KLF8: variants seen among roughly 807,000 people sequenced by gnomAD.
KLF8 encodes KLF transcription factor 8.
KLF8 carries 10 observed loss-of-function variants against 18.2 expected under a neutral mutation model. The ratio of observed to expected loss-of-function variants is 0.55; its 90% confidence interval spans 0.34 to 0.93. The LOEUF is 0.93. Ranked by LOEUF, KLF8 falls within the 40% of genes least tolerant of loss-of-function variation. KLF8 has a pLI of 0.02. For missense variants in KLF8, 264 were observed against 277.9 expected (o/e 0.95, Z 0.36); for synonymous variants, 109 against 97.3 (o/e 1.12, Z -0.71).
chrX:56,062,670 T>C, the KLF8 span, among the ~76,000 whole-genome samples: 1 of 110,196 alleles, frequency 9.1e-6, no homozygotes, highest in Admixed American at 9.6e-5. Flanking sequence ...GGCGTAACTT[T>C]GTGGTGTTCT....
the KLF8 span, among the ~76,000 whole-genome samples, chrX:56,079,289 A>G: frequency 2.1e-4 from 23 of 110,055 alleles, no homozygotes; most frequent in Admixed American, 3.9e-4. Context: ...AGTGCTATAA[A>G]TTTCCCTCTA....
At chrX:56,083,754 T>C in the KLF8 span, among the ~76,000 whole-genome samples, 1 of 111,137 alleles carries the variant, frequency 9.0e-6, no homozygotes, top group African/African-American at 3.3e-5. Flanking sequence ...AAATCAGTGG[T>C]GATGTTTGAT....
At chrX:56,089,365 G>A in the KLF8 span, among the ~76,000 whole-genome samples, 1,267 of 111,908 alleles carry the variant, frequency 0.011, 11 homozygotes, top group African/African-American at 0.04. Context: ...GTGGTACATG[G>A]CAGTTTATAG....
the KLF8 span, among the ~76,000 whole-genome samples, chrX:55,960,626 GA>G: frequency 9.1e-6 from 1 of 109,466 alleles, no homozygotes; most frequent in Admixed American, 9.8e-5. Flanking sequence ...AGGAGAAGGA[GA>G]AAAGAAGAAG....
the KLF8 span, among the ~76,000 whole-genome samples, chrX:56,029,789 C>T: frequency 8.9e-6 from 1 of 111,888 alleles, no homozygotes; most frequent in Non-Finnish European, 1.9e-5. Context: ...CTGGGCATTC[C>T]TCCCAGAACA....
At chrX:55,987,953 G>A in the KLF8 span, among the ~76,000 whole-genome samples, 1 of 112,466 alleles carries the variant, frequency 8.9e-6, no homozygotes. Context: ...GATGGCCAGT[G>A]ATGATGAGCA....
chrX:56,204,554 G>A, the KLF8 span, among the ~76,000 whole-genome samples: 48 of 111,033 alleles, frequency 4.3e-4, no homozygotes, highest in African/African-American at 1.5e-3. Flanking sequence ...ACTAGCCATG[G>A]GTCTGTCATA....
chrX:56,083,005 G>A, the KLF8 span, among the ~76,000 whole-genome samples: 58 of 111,913 alleles, frequency 5.2e-4, no homozygotes, highest in African/African-American at 1.8e-3. Context: ...GTGCCTCTGT[G>A]TGGTTCTCCA....
At chrX:56,221,345 C>G in the KLF8 span, among the ~76,000 whole-genome samples, 18 of 111,431 alleles carry the variant, frequency 1.6e-4, no homozygotes, top group African/African-American at 5.2e-4. Flanking sequence ...TATGAACATG[C>G]AAAAAGGATT....
the KLF8 span, among the ~76,000 whole-genome samples, chrX:56,131,508 A>C: frequency 9.0e-6 from 1 of 111,570 alleles, no homozygotes; most frequent in Non-Finnish European, 1.9e-5. Flanking sequence ...TTTGAAACAA[A>C]TCCTGGAAAT....
intron 1 of KLF8, among the ~76,000 whole-genome samples, chrX:56,236,641 C>G (rs980764211): frequency 1.6e-4 from 18 of 111,366 alleles, no homozygotes; most frequent in African/African-American, 5.6e-4. Flanking sequence ...AATTTAAAAA[C>G]TTTCAACTAA....
the KLF8 span, among the ~76,000 whole-genome samples, chrX:55,946,453 G>A: frequency 2.6e-4 from 29 of 111,496 alleles, no homozygotes; most frequent in South Asian, 7.5e-3. Flanking sequence ...CTGAAACTGG[G>A]TCCCTTCCTT....
the KLF8 span, among the ~76,000 whole-genome samples, chrX:56,083,119 G>A: frequency 1.4e-4 from 16 of 111,622 alleles, no homozygotes; most frequent in East Asian, 4.5e-3. Flanking sequence ...TAATTTTTCT[G>A]CCCCTTTCAT....
At chrX:56,050,458 G>A in the KLF8 span, among the ~76,000 whole-genome samples, 12 of 111,863 alleles carry the variant, frequency 1.1e-4, no homozygotes, top group Non-Finnish European at 1.9e-4. Context: ...AGAGATTCTG[G>A]TATGTTGTGT....
chrX:56,252,993 G>T (rs2066734433), intron 2 of KLF8, among the ~76,000 whole-genome samples: 1 of 112,216 alleles, frequency 8.9e-6, no homozygotes, highest in African/African-American at 3.2e-5. Context: ...ATACCTGTTT[G>T]CCATTTGTAT....
At chrX:56,159,900 C>A in the KLF8 span, among the ~76,000 whole-genome samples, 2 of 111,387 alleles carry the variant, frequency 1.8e-5, no homozygotes, top group Non-Finnish European at 3.8e-5. Context: ...CAGTTCTGCT[C>A]TGATCTTAGT....
chrX:56,249,170 C>T (rs1345869362), intron 1 of KLF8, among the ~76,000 whole-genome samples: 5 of 112,460 alleles, frequency 4.4e-5, no homozygotes, highest in African/African-American at 9.7e-5. Context: ...ACAGTTTAAT[C>T]GAGCAAAGAA....
chrX:56,237,026 A>G (rs905397028), intron 1 of KLF8, among the ~76,000 whole-genome samples: 1 of 106,702 alleles, frequency 9.4e-6, no homozygotes, highest in East Asian at 2.9e-4. Context: ...CTGGAATTCT[A>G]GGAATTTAAG....
chrX:56,283,079 A>G (rs1380463544), intron 5 of KLF8, among the ~76,000 whole-genome samples: 1 of 112,010 alleles, frequency 8.9e-6, no homozygotes, highest in Non-Finnish European at 1.9e-5. Context: ...ATGAGTATAC[A>G]AATGTATGGT....
Sources: allele counts gnomAD v4.1 joint callset (sites outside exome capture counted in the v4.1 genomes callset), GRCh38; gene constraint gnomAD v4.1.1; transcripts MANE v1.5; gene names NCBI Gene and HGNC (gene_info 2026-07-23, HGNC 2026-07-21).